ELMO1: variants seen among roughly 807,000 people sequenced by gnomAD.
ELMO1 encodes engulfment and cell motility 1, also known as engulfment and cell motility protein 1.
Under a neutral mutation model 98.9 loss-of-function variants are expected in ELMO1, and 26 were observed. The observed-to-expected ratio is 0.26, with a 90% CI of 0.19 to 0.36. ELMO1 has a LOEUF of 0.36. Ranked by LOEUF, ELMO1 falls within the 10% of genes least tolerant of loss-of-function variation. The pLI is 1.00. For synonymous variants in ELMO1, 346 were observed against 346.0 expected (o/e 1.00, Z 0.00); for missense variants, 627 against 935.2 (o/e 0.67, Z 4.30).
At chr7:37,089,202 C>T (rs1381957607) in intron 15 of ELMO1, among the ~76,000 whole-genome samples, 2 of 152,182 alleles carry the variant, frequency 1.3e-5, no homozygotes, top group African/African-American at 2.4e-5. Context: ...GTTATTTTTA[C>T]TTGCTAAAGC....
chr7:36,930,215 T>C (rs924400737), intron 16 of ELMO1, among the ~76,000 whole-genome samples: 4 of 152,244 alleles, frequency 2.6e-5, no homozygotes, highest in African/African-American at 4.8e-5. Context: ...TGGATGTGTC[T>C]AGAAATGGTT....
At chr7:37,247,167 A>G (rs1177422514) in intron 6 of ELMO1, among the ~76,000 whole-genome samples, 1 of 152,224 alleles carries the variant, frequency 6.6e-6, no homozygotes, top group Non-Finnish European at 1.5e-5. Flanking sequence ...TAGAATTGCA[A>G]TTTGAAGCAT....
intron 16 of ELMO1, among the ~76,000 whole-genome samples, chr7:36,959,715 C>G (rs1416493370): frequency 1.3e-5 from 2 of 152,240 alleles, no homozygotes; most frequent in African/African-American, 2.4e-5. Context: ...CTCACTCACT[C>G]TGTCACCCAG....
chr7:37,197,829 A>G (rs1792061745), intron 13 of ELMO1, among the ~76,000 whole-genome samples: 3 of 152,164 alleles, frequency 2.0e-5, no homozygotes, highest in South Asian at 2.1e-4. Context: ...CTGGATGCCT[A>G]TAACTACCTT....
At chr7:37,154,357 C>T (rs1788579311) in intron 13 of ELMO1, among the ~76,000 whole-genome samples, 1 of 152,080 alleles carries the variant, frequency 6.6e-6, no homozygotes, top group African/African-American at 2.4e-5. Flanking sequence ...TCGGTAATAA[C>T]AAACTTCTCC....
rs1165941008 is a variant in ELMO1, at chr7:37,267,050, C to T, written c.243+4782G>A. On this transcript the variant is annotated intron_variant, in intron 5 of 21. Coordinates refer to ENST00000310758, the MANE Select transcript of ELMO1 (RefSeq NM_014800.11). ...AAATATGTATATATACACACACACA[C>T]ACACACACACACACACACACACACA... Among the ~76,000 whole-genome samples, 245 of 130,890 alleles carry T rather than the reference C, an allele frequency of 1.9e-3. 6 individuals are homozygous for T. Among genetic ancestry groups the T allele is most frequent in the African/African-American group, 5.4e-3 (170 of 31,688 alleles). 85.9% of individuals were successfully genotyped at this position (130,890 alleles called of 152,430 possible).
chr7:37,394,402 C>G (rs1329560778), intron 1 of ELMO1, among the ~76,000 whole-genome samples: 1 of 152,146 alleles, frequency 6.6e-6, no homozygotes. Context: ...CTGGATCAGA[C>G]AGGCCTCAGA....
chr7:37,327,892 T>C (rs544755884), intron 2 of ELMO1, among the ~76,000 whole-genome samples: 1 of 152,326 alleles, frequency 6.6e-6, no homozygotes, highest in African/African-American at 2.4e-5. Flanking sequence ...TCTCACATTC[T>C]TCACCCCTAC....
intron 1 of ELMO1, among the ~76,000 whole-genome samples, chr7:37,374,303 C>A (rs1396447223): frequency 6.6e-6 from 1 of 151,956 alleles, no homozygotes; most frequent in Non-Finnish European, 1.5e-5. Context: ...GTTATGCAAC[C>A]ATCGTGTCTA....
At chr7:37,039,893 A>C (rs1795403047) in intron 15 of ELMO1, among the ~76,000 whole-genome samples, 1 of 152,218 alleles carries the variant, frequency 6.6e-6, no homozygotes. Flanking sequence ...CAAAGATGTA[A>C]ACTTCTTAAA....
At chr7:37,024,559 G>C (rs1794460814) in intron 15 of ELMO1, among the ~76,000 whole-genome samples, 1 of 152,196 alleles carries the variant, frequency 6.6e-6, no homozygotes, top group Non-Finnish European at 1.5e-5. Flanking sequence ...GTGGATAGGA[G>C]TGTCATTCTA....
chr7:37,266,382 T>G (rs903332118), intron 5 of ELMO1, among the ~76,000 whole-genome samples: 2 of 152,146 alleles, frequency 1.3e-5, no homozygotes, highest in African/African-American at 4.8e-5. Flanking sequence ...AAAATCATGA[T>G]GACAGGCCCT....
intron 16 of ELMO1, among the ~76,000 whole-genome samples, chr7:36,922,491 C>T (rs1785228387): frequency 6.6e-6 from 1 of 151,600 alleles, no homozygotes; most frequent in Non-Finnish European, 1.5e-5. Flanking sequence ...TTTATTTTGG[C>T]CAGTTTGTCA....
chr7:36,942,564 G>A (rs746383353), intron 16 of ELMO1, among the ~76,000 whole-genome samples: 14 of 152,318 alleles, frequency 9.2e-5, no homozygotes, highest in South Asian at 4.1e-4. Flanking sequence ...TGAAGAGGAC[G>A]TTTTCTTTGG....
intron 15 of ELMO1, among the ~76,000 whole-genome samples, chr7:37,077,150 G>A (rs1396064389): frequency 6.6e-6 from 1 of 152,238 alleles, no homozygotes; most frequent in African/African-American, 2.4e-5. Flanking sequence ...GGATGGAACT[G>A]ATACTAATTA....
At position 37,264,099 on chromosome 7, in the gene ELMO1, G is replaced by A. The variant is rs557865762; in HGVS notation, c.244-4749C>T. Reference sequence around the variant, plus strand: ...AAATAGTGTGAGAACATCCTCACGAGGCAATATTAAGAGAAACAGCCAAGA... The same window carrying A: ...AAATAGTGTGAGAACATCCTCACGAAGCAATATTAAGAGAAACAGCCAAGA... On this transcript the variant is annotated intron_variant, in intron 5 of 21. Coordinates refer to ENST00000310758, the MANE Select transcript of ELMO1 (RefSeq NM_014800.11). Among the ~76,000 whole-genome samples the A allele has an allele frequency of 2.0e-5, 3 of 152,262 alleles. No individual in the cohort carries two copies. In the East Asian group the frequency reaches 5.8e-4, roughly 29 times the overall value.
At chr7:37,426,178 G>A (rs1804699983) in intron 1 of ELMO1, among the ~76,000 whole-genome samples, 1 of 122,698 alleles carries the variant, frequency 8.2e-6, no homozygotes, top group Non-Finnish European at 1.6e-5. Context: ...TACTGAGATG[G>A]AGTCTCATTC....
intron 10 of ELMO1, among the ~76,000 whole-genome samples, chr7:37,217,455 C>T (rs1378639330): frequency 6.6e-6 from 1 of 152,052 alleles, no homozygotes; most frequent in African/African-American, 2.4e-5. Flanking sequence ...TTCAGGAAGA[C>T]ACTTGACCGT....
intron 14 of ELMO1, among the ~76,000 whole-genome samples, chr7:37,111,538 C>T (rs1785251022): frequency 6.6e-6 from 1 of 152,170 alleles, no homozygotes; most frequent in Non-Finnish European, 1.5e-5. Context: ...TACTAGCATA[C>T]TACCAAATTC....
Sources: gnomAD v4.1 joint callset for allele counts (sites outside exome capture counted in the v4.1 genomes callset) on GRCh38, gnomAD v4.1.1 for gene constraint, MANE v1.5 for transcripts, NCBI Gene and HGNC (gene_info 2026-07-23, HGNC 2026-07-21) for gene names.